GPHN: variants seen among roughly 807,000 people sequenced by gnomAD.
GPHN encodes the protein gephyrin.
Under a neutral mutation model 95.5 loss-of-function variants are expected in GPHN, and 17 were observed. The observed-to-expected ratio is 0.18, with a 90% CI of 0.12 to 0.27. The LOEUF (loss-of-function observed/expected upper bound fraction) is 0.27. GPHN is among the 10% of genes least tolerant of loss of function. GPHN has a pLI of 1.00. For missense variants in GPHN, 660 were observed against 978.1 expected, an observed-to-expected ratio of 0.67 and a Z score of 4.34; for synonymous variants, 320 against 322.5, an observed-to-expected ratio of 0.99 and a Z score of 0.08.
chr14:67,054,142 T>C (rs1433085641), intron 10 of GPHN, among the ~76,000 whole-genome samples: 1 of 152,150 alleles, frequency 6.6e-6, no homozygotes, highest in Non-Finnish European at 1.5e-5. Flanking sequence ...AAATAAAGCA[T>C]ATTCAGATAG....
chr14:66,613,472 C>T (rs2062869293), intron 1 of GPHN, among the ~76,000 whole-genome samples: 1 of 152,042 alleles, frequency 6.6e-6, no homozygotes, highest in Non-Finnish European at 1.5e-5. Flanking sequence ...CGCTTGTTTA[C>T]AGTATGATTG....
chr14:67,034,976 G>A (rs567085671), intron 10 of GPHN, among the ~76,000 whole-genome samples: 1 of 152,112 alleles, frequency 6.6e-6, no homozygotes, highest in Non-Finnish European at 1.5e-5. Context: ...TTCTTTCCTA[G>A]CATACATGGA....
the GPHN span, chr14:67,576,506 A>G: frequency 1.3e-6 from 2 of 1,485,704 alleles, no homozygotes; most frequent in East Asian, 2.3e-5. The surrounding 1 kb of genome is among the most constrained non-coding windows in gnomAD (Gnocchi z 4.0). Context: ...AGATCCAGGT[A>G]AGGCAAGGGT....
the GPHN span, among the ~76,000 whole-genome samples, chr14:67,631,217 C>G: frequency 6.6e-6 from 1 of 152,160 alleles, no homozygotes; most frequent in Non-Finnish European, 1.5e-5. Context: ...TTCTCATTGC[C>G]CTTTCACATT....
chr14:66,607,415 G>A (rs926874293), intron 1 of GPHN, among the ~76,000 whole-genome samples: 1 of 151,090 alleles, frequency 6.6e-6, no homozygotes, highest in East Asian at 1.9e-4. Context: ...TTTTTTTAGG[G>A]TTTTGTGTTT....
chr14:66,841,224 G>A (rs1471873258), intron 4 of GPHN, among the ~76,000 whole-genome samples: 1 of 152,006 alleles, frequency 6.6e-6, no homozygotes, highest in Non-Finnish European at 1.5e-5. Context: ...ACCAGGGAGG[G>A]AGGATAGGTA....
rs1594868019 is a variant in GPHN, at chr14:67,029,442, A to T, written c.1006+5767A>T. ...AACCTCTACTTCCCGGATTCAAGTG[A>T]TTCTCCTGCCTCAGCCTCCCAAGTA... On this transcript the variant is annotated intron_variant, in intron 10 of 22. Transcript: ENST00000478722. Among the ~76,000 whole-genome samples, 4 of 151,244 alleles carry T rather than the reference A, an allele frequency of 2.6e-5. No homozygotes were observed. The East Asian group carries it at 7.8e-4, about 29-fold the overall frequency.
intron 18 of GPHN, among the ~76,000 whole-genome samples, chr14:67,145,540 A>G (rs1457813864): frequency 6.6e-6 from 1 of 152,216 alleles, no homozygotes; most frequent in East Asian, 1.9e-4. Flanking sequence ...ATCCCACGGT[A>G]TTCCTTAGGA....
intron 13 of GPHN, among the ~76,000 whole-genome samples, chr14:67,109,000 A>G (rs909573773): frequency 2.6e-5 from 4 of 152,168 alleles, no homozygotes; most frequent in African/African-American, 9.7e-5. Context: ...GTACTTACAC[A>G]AACCTGCATG....
chr14:67,549,513 C>T, the GPHN span, among the ~76,000 whole-genome samples: 2 of 152,036 alleles, frequency 1.3e-5, no homozygotes, highest in Non-Finnish European at 2.9e-5. Flanking sequence ...TCAAGTGATC[C>T]GCCTGCCTCG....
the GPHN span, among the ~76,000 whole-genome samples, chr14:67,685,479 A>C: frequency 6.6e-6 from 1 of 152,188 alleles, no homozygotes; most frequent in Non-Finnish European, 1.5e-5. Flanking sequence ...GCAGCACTTA[A>C]CATCGTTGAC....
the GPHN span, among the ~76,000 whole-genome samples, chr14:67,278,484 T>G: frequency 6.6e-6 from 1 of 152,180 alleles, no homozygotes; most frequent in Non-Finnish European, 1.5e-5. Context: ...TCAAAAACTC[T>G]TAAAGATGAA....
chr14:67,701,148 C>T, the GPHN span, among the ~76,000 whole-genome samples: 25,876 of 150,940 alleles, frequency 0.17, 2,301 homozygotes, highest in African/African-American at 0.23. Context: ...CGAACAACAA[C>T]GATTCATGAC....
At chr14:67,197,601 T>C in the GPHN span, among the ~76,000 whole-genome samples, 1 of 152,154 alleles carries the variant, frequency 6.6e-6, no homozygotes, top group African/African-American at 2.4e-5. Context: ...TAGAGTCTCA[T>C]AAGGAGCGCG....
At chr14:67,662,173 C>CAA in the GPHN span, among the ~76,000 whole-genome samples, 2 of 140,052 alleles carry the variant, frequency 1.4e-5, no homozygotes, top group African/African-American at 5.6e-5. Flanking sequence ...ACAACAACAA[C>CAA]AACAACAAAA....
At chr14:66,743,843 C>T (rs2073019323) in intron 2 of GPHN, among the ~76,000 whole-genome samples, 1 of 152,158 alleles carries the variant, frequency 6.6e-6, no homozygotes, top group African/African-American at 2.4e-5. Context: ...ATTACCTTGG[C>T]AAAATGAAAA....
chr14:67,172,312 A>C (rs1393079861), intron 21 of GPHN, among the ~76,000 whole-genome samples: 9 of 152,136 alleles, frequency 5.9e-5, no homozygotes, highest in Non-Finnish European at 1.3e-4. Flanking sequence ...GGAAAACAGT[A>C]TCTTGGCTGC....
the GPHN span, chr14:67,573,255 C>T: frequency 1.1e-5 from 17 of 1,498,136 alleles, no homozygotes; most frequent in Non-Finnish European, 1.6e-5. This position sits in a 1 kb window ranked among gnomAD's most constrained non-coding sequence, Gnocchi z 4.8. Flanking sequence ...CTTTCTTCAT[C>T]TACACCCTTC....
intron 1 of GPHN, among the ~76,000 whole-genome samples, chr14:66,589,465 A>G (rs1036891092): frequency 6.6e-6 from 1 of 151,904 alleles, no homozygotes; most frequent in Non-Finnish European, 1.5e-5. Context: ...GTCAGGACCC[A>G]TTGATGTGCT....
Sources: gnomAD v4.1 joint callset for allele counts (sites outside exome capture counted in the v4.1 genomes callset) on GRCh38, gnomAD v4.1.1 for gene constraint, Gnocchi (gnomAD v3.1) non-coding constraint, MANE v1.5 for transcripts, NCBI Gene and HGNC (gene_info 2026-07-23, HGNC 2026-07-21) for gene names.